The following TTN variants were observed in gnomAD, a reference collection of about 807,000 sequenced individuals.
The protein encoded by TTN is titin, also known as connectin.
In TTN, 1,525 loss-of-function variants were observed where a neutral mutation model predicts 3,223.0. That is an observed-to-expected ratio of 0.47 (90% CI 0.45 to 0.49). The LOEUF is 0.49. TTN is among the 20% of genes least tolerant of loss of function. The pLI is 0.00. For synonymous variants in TTN, 14,094 were observed against 15,161.0 expected (o/e 0.93, Z 5.17); for missense variants, 40,786 against 43,424.0 (o/e 0.94, Z 5.40).
Position 178,574,307 on chromosome 2 carries a change from G to T in TTN, c.71825C>A (p.Thr23942Lys). The part of the protein sequence containing the change: ...VPLNITRHTV[T>K]LKWAKPEYTG... ...ATATTCAGGCTTAGCCCATTTAAGTGTTACTGTGTGTCTTGTAATATTTAG... is the reference window on the plus strand; with the variant it reads ...ATATTCAGGCTTAGCCCATTTAAGTTTTACTGTGTGTCTTGTAATATTTAG... The change falls in exon 326 of 363, where the codon ACA becomes AAA. Residue 23942 changes from threonine (T) to lysine (K), a missense_variant. Physicochemically the swap from Thr to Lys is moderately conservative, Grantham distance 78 (BLOSUM62 -1). Transcript: ENST00000589042. 6.2e-7 allele frequency: 1 copy of T among 1,613,502 alleles called. No individual in the cohort carries two copies. Among genetic ancestry groups the T allele is most frequent in the South Asian group, 1.1e-5 (1 of 91,056 alleles).
Position 178,671,142 on chromosome 2 carries a change from A to T in TTN, c.35256T>A (p.Pro11752=), listed in dbSNP as rs775438612. The change falls in exon 156 of 363, where the codon CCT becomes CCA. Residue 11752 remains proline, a synonymous_variant. Coordinates refer to ENST00000589042, the MANE Select transcript of TTN (RefSeq NM_001267550.2). ...KGPEISEKII[P]PKKPPTKVVP... ...CAACTTTAGTGGGCGGTTTTTTTGGAGGGATGATTTTCTCAGATATCTCAG... is the reference window on the plus strand; with the variant it reads ...CAACTTTAGTGGGCGGTTTTTTTGGTGGGATGATTTTCTCAGATATCTCAG... The T allele has an allele frequency of 6.2e-7, 1 of 1,603,364 alleles. No individual in the cohort carries two copies. The highest frequency in any genetic ancestry group is 8.5e-7 in the Non-Finnish European group (1 of 1,175,548).
At chr2:178,772,866 G>C (rs2091724717) in intron 33 of TTN, 2 of 545,062 alleles carry the variant, frequency 3.7e-6, no homozygotes, top group Admixed American at 3.2e-5. Flanking sequence ...ATGAGGAAGA[G>C]ATCATATACA....
intron 112 of TTN, 23 bp downstream of exon 112, chr2:178,698,820 T>C: frequency 6.5e-7 from 1 of 1,534,460 alleles, no homozygotes; most frequent in South Asian, 1.3e-5. Flanking sequence ...GTGTTAAGAC[T>C]GCTTTTTGAT....
chr2:178,672,891 T>C (rs1411467106), intron 152 of TTN, among the ~76,000 whole-genome samples, 188 bp from the exon 153 acceptor site: 1 of 151,878 alleles, frequency 6.6e-6, no homozygotes, highest in Non-Finnish European at 1.5e-5. Flanking sequence ...AACATTCCTA[T>C]AGAAGAAGAA....
intron 47 of TTN, chr2:178,752,094 A>C: frequency 1.3e-6 from 2 of 1,525,158 alleles, no homozygotes; most frequent in Non-Finnish European, 1.8e-6. Flanking sequence ...AAAAAGTTGA[A>C]AGTAAATAAA....
At chr2:178,596,131 C>T (rs955741271) in intron 294 of TTN, among the ~76,000 whole-genome samples, 2 of 151,888 alleles carry the variant, frequency 1.3e-5, no homozygotes, top group African/African-American at 2.4e-5. Flanking sequence ...GCTGGGACTA[C>T]AGGCATGTGC....
At position 178,563,045 on chromosome 2, in the gene TTN, A is replaced by C. The variant is rs769398545; in HGVS notation, c.83087T>G (p.Phe27696Cys). The change falls in exon 326 of 363, where the codon TTT becomes TGT. Residue 27696 changes from phenylalanine to cysteine, a missense_variant. Coordinates refer to ENST00000589042, the MANE Select transcript of TTN (RefSeq NM_001267550.2). This position sits in a 1 kb window ranked among gnomAD's most constrained non-coding sequence, Gnocchi z 4.5. ...TTCTGGTCGACCTTTGATAGTGACA[A>C]ATAAGCGTAAAGTAGCACTTGCACG... is the stretch of plus-strand genomic sequence containing the variant. The part of the protein sequence containing the change: ...VLRASATLRL[F>C]VTIKGRPEPE... The C allele has an allele frequency of 3.7e-6, 6 of 1,613,648 alleles. No homozygotes were observed. In the South Asian group the frequency reaches 6.6e-5, roughly 18 times the overall value.
Position 178,575,905 on chromosome 2 carries a change from A to G in TTN, c.70227T>C (p.Asp23409=), listed in dbSNP as rs2154172609. The G allele has an allele frequency of 6.2e-7, 1 of 1,613,608 alleles. No homozygotes were observed. Among genetic ancestry groups the G allele is most frequent in the Non-Finnish European group, 8.5e-7 (1 of 1,179,628 alleles). The change falls in exon 326 of 363, where the codon GAT becomes GAC. Residue 23409 remains aspartate, a synonymous_variant. Transcript: ENST00000589042. This position sits in a 1 kb window ranked among gnomAD's most constrained non-coding sequence, Gnocchi z 4.0. ...CAATGGTCATGACAAATTTACCGGTATCATATCTGTTACATTCTGGGATAA... is the reference window on the plus strand; with the variant it reads ...CAATGGTCATGACAAATTTACCGGTGTCATATCTGTTACATTCTGGGATAA... ...LLIIPECNRY[D]TGKFVMTIEN...
Position 178,719,839 on chromosome 2 carries a change from G to A in TTN, c.23660-7C>T, listed in dbSNP as rs771244164. The A allele has an allele frequency of 1.1e-4, 174 of 1,597,716 alleles. 2 individuals carry two copies. In the Admixed American group the frequency reaches 1.3e-3, roughly 12 times the overall value. On this transcript the variant is annotated splice_polypyrimidine_tract_variant and splice_region_variant and intron_variant, in intron 81 of 362. Transcript: ENST00000589042. ...TCTATGATTCTTGCTGGTTCTAAAA[G>A]AAGAAGTATTTTGCATTGAAAACAA...
At chr2:178,680,438 G>T in intron 138 of TTN, 107 bp from the exon 139 acceptor site, 1 of 879,254 alleles carries the variant, frequency 1.1e-6, no homozygotes, top group Non-Finnish European at 1.8e-6. Context: ...TTCCTTTAAT[G>T]AGATACATAT....
At chr2:178,788,193 C>T (rs1010063815) in intron 13 of TTN, among the ~76,000 whole-genome samples, 15 of 152,002 alleles carry the variant, frequency 9.9e-5, no homozygotes, top group African/African-American at 2.9e-4. Context: ...CATCTCTTCT[C>T]GAAAAAGATG....
rs2080371114 is a variant in TTN at position 178,730,947 on chromosome 2, G to A, written c.17718C>T (p.Cys5906=). The change falls in exon 60 of 363, where the codon TGC becomes TGT. Residue 5906 remains cysteine, a synonymous_variant. Coordinates refer to ENST00000589042, the MANE Select transcript of TTN (RefSeq NM_001267550.2). ...EVQNDVGRSS[C]KARINVLDLI... is the part of the protein sequence containing the mutation. ...AACCTAATACATTAATTCTAGCCTT[G>A]CAGCTGCTCCTCCCAACATCATTTT... is the stretch of plus-strand genomic sequence containing the variant. 1 of 1,607,600 alleles carries A rather than the reference G, an allele frequency of 6.2e-7. No homozygotes were observed. Among genetic ancestry groups the A allele is most frequent in the Non-Finnish European group, 8.5e-7 (1 of 1,176,262 alleles).
intron 157 of TTN, 106 bp downstream of exon 157, chr2:178,670,112 G>T: frequency 1.5e-6 from 1 of 678,050 alleles, no homozygotes; most frequent in Non-Finnish European, 2.2e-6. Context: ...TGAAGTTTAT[G>T]TCATTCATAG....
Position 178,613,060 on chromosome 2 carries a change from G to A in TTN, c.49661C>T (p.Pro16554Leu). 2 of 1,612,462 alleles carry A rather than the reference G, an allele frequency of 1.2e-6. No homozygotes were observed. The highest frequency in any genetic ancestry group is 1.7e-6 in the Non-Finnish European group (2 of 1,179,158). Residue 16554 changes from proline (P) to leucine (L), a missense_variant, in exon 265 of 363, where the codon CCC becomes CTC. Coordinates refer to ENST00000589042, the MANE Select transcript of TTN (RefSeq NM_001267550.2). ...LIKDPIDPPW[P>L]PGKPTVKDVG... is the part of the protein sequence containing the mutation. ...ATCTTTTACAGTTGGTTTTCCAGGG[G>A]GCCATGGAGGATCTGCAAGCCAATG...
chr2:178,661,087 C>G (rs1391110778), intron 180 of TTN, among the ~76,000 whole-genome samples: 1 of 31,602 alleles, frequency 3.2e-5, no homozygotes. Context: ...GGACTGTAAA[C>G]TAGTTCAACC....
Position 178,776,382 on chromosome 2 carries a change from G to C in TTN, c.5482C>G (p.Leu1828Val). Residue 1828 changes from leucine (L) to valine (V), a missense_variant, in exon 28 of 363, where the codon CTT becomes GTT. Coordinates refer to ENST00000589042, the MANE Select transcript of TTN (RefSeq NM_001267550.2). ...ELERMAHEGA[L>V]TGVTTDQKEK... ...TTCTGATCTGTTGTTACACCTGTAAGTGCACCTTCATGAGCCATTCTCTCT... is the reference window on the plus strand; with the variant it reads ...TTCTGATCTGTTGTTACACCTGTAACTGCACCTTCATGAGCCATTCTCTCT... 1 of 1,613,000 alleles carries C rather than the reference G, an allele frequency of 6.2e-7. No homozygotes were observed. Among genetic ancestry groups the C allele is most frequent in the Non-Finnish European group, 8.5e-7 (1 of 1,179,968 alleles).
rs1026517147 is a variant in TTN at position 178,770,329 on chromosome 2, A to G, written c.8381-9T>C. 11 of 1,614,026 alleles carry G rather than the reference A, an allele frequency of 6.8e-6. No individual in the cohort carries two copies. The highest frequency in any genetic ancestry group is 2.5e-6 in the Non-Finnish European group (3 of 1,180,026). ...TTTAATGATCTTGACAGCTAAGAGGAAAATTGGAGCAATTCAGTGATAGGG... is the reference window on the plus strand; with the variant it reads ...TTTAATGATCTTGACAGCTAAGAGGGAAATTGGAGCAATTCAGTGATAGGG... On this transcript the variant is annotated splice_polypyrimidine_tract_variant and intron_variant, in intron 35 of 362. Coordinates refer to ENST00000589042, the MANE Select transcript of TTN (RefSeq NM_001267550.2).
In TTN at chr2:178,778,932, C is replaced by A. The variant is rs144609506; in HGVS notation, c.4150G>T (p.Ala1384Ser). ...TAAGTCGGAGCTCCAAGTGGTGCAG[C>A]AGGCTCCACATACAATTTCCCTGAG... ...ICSGKLYVEP[A>S]APLGAPTYIP... Residue 1384 changes from alanine (A) to serine (S), a missense_variant, in exon 24 of 363, where the codon GCT becomes TCT. Coordinates refer to ENST00000589042, the MANE Select transcript of TTN (RefSeq NM_001267550.2). The A allele has an allele frequency of 2.2e-5, 35 of 1,613,896 alleles. No individual in the cohort carries two copies. The African/African-American group carries it at 4.5e-4, about 21-fold the overall frequency.
Position 178,678,499 on chromosome 2 carries a change from T to C in TTN, c.33827-2A>G. Reference sequence around the variant, plus strand: ...CAGGCTTCTTGGGTACCTCTGGCACTTTAACGAAATGATTTAGAGAAAAAT... The same window carrying C: ...CAGGCTTCTTGGGTACCTCTGGCACCTTAACGAAATGATTTAGAGAAAAAT... On this transcript the variant is annotated splice_acceptor_variant, in intron 143 of 362. Transcript: ENST00000589042. LOFTEE classifies it high-confidence loss of function. 1 of 1,565,162 alleles carries C rather than the reference T, an allele frequency of 6.4e-7. No homozygotes were observed. The highest frequency in any genetic ancestry group is 8.6e-7 in the Non-Finnish European group (1 of 1,160,028).
Sources: allele counts gnomAD v4.1 joint callset (sites outside exome capture counted in the v4.1 genomes callset), GRCh38; gene constraint gnomAD v4.1.1; non-coding constraint Gnocchi (gnomAD v3.1); transcripts MANE v1.5; gene names NCBI Gene and HGNC (gene_info 2026-07-23, HGNC 2026-07-21).